The following PABPC4L variants were observed in gnomAD, a reference collection of about 807,000 sequenced individuals.
The protein encoded by PABPC4L is poly(A) binding protein cytoplasmic 4 like, also known as polyadenylate-binding protein 4-like.
For missense variants in PABPC4L, 452 were observed against 451.4 expected (o/e 1.00, Z -0.01); for synonymous variants, 169 against 164.1 (o/e 1.03, Z -0.23).
At chr4:134,115,490 T>C in the PABPC4L span, among the ~76,000 whole-genome samples, 1 of 151,730 alleles carries the variant, frequency 6.6e-6, no homozygotes, top group Non-Finnish European at 1.5e-5. Flanking sequence ...GTGTCAACCT[T>C]CACAGAGGAA....
chr4:133,981,545 CAG>C, the PABPC4L span, among the ~76,000 whole-genome samples: 8 of 151,926 alleles, frequency 5.3e-5, no homozygotes, highest in Admixed American at 1.3e-4. Context: ...TTTATCTTAA[CAG>C]GGGGAAAAAT....
chr4:134,045,731 C>T, the PABPC4L span, among the ~76,000 whole-genome samples: 2 of 152,090 alleles, frequency 1.3e-5, no homozygotes, highest in African/African-American at 4.8e-5. Context: ...ATCCTCTGTC[C>T]TTTTGAACCA....
chr4:134,172,666 C>G, the PABPC4L span, among the ~76,000 whole-genome samples: 1 of 151,860 alleles, frequency 6.6e-6, no homozygotes, highest in South Asian at 2.1e-4. Context: ...GCAAATGGGA[C>G]CTAATTAAGC....
the PABPC4L span, among the ~76,000 whole-genome samples, chr4:134,121,048 T>A: frequency 1.3e-5 from 2 of 151,416 alleles, no homozygotes; most frequent in African/African-American, 4.8e-5. Flanking sequence ...TCTACAATTC[T>A]ACTTTCTATT....
chr4:134,151,110 G>A, the PABPC4L span, among the ~76,000 whole-genome samples: 1 of 152,082 alleles, frequency 6.6e-6, no homozygotes, highest in Non-Finnish European at 1.5e-5. Flanking sequence ...TAGAATTCAA[G>A]ATAGTGCTTA....
downstream of PABPC4L, chr4:134,196,294 A>C (rs1729653837): frequency 6.6e-6 from 1 of 151,678 alleles, no homozygotes; most frequent in Admixed American, 6.6e-5. Context: ...GGAAAATCAG[A>C]AATACTTTAT....
the PABPC4L span, among the ~76,000 whole-genome samples, chr4:134,149,998 T>C: frequency 6.6e-6 from 1 of 152,062 alleles, no homozygotes; most frequent in Non-Finnish European, 1.5e-5. Flanking sequence ...CCAGTTCTGC[T>C]TGGTTCTACA....
At chr4:134,136,732 C>T in the PABPC4L span, among the ~76,000 whole-genome samples, 1 of 151,978 alleles carries the variant, frequency 6.6e-6, no homozygotes, top group Admixed American at 6.6e-5. Context: ...CGACTATGAT[C>T]ATCTCAAGCC....
chr4:134,086,139 C>T, the PABPC4L span, among the ~76,000 whole-genome samples: 2 of 149,900 alleles, frequency 1.3e-5, no homozygotes, highest in African/African-American at 2.4e-5. Context: ...GTTCTTTTTT[C>T]TTTGGCATTT....
chr4:134,098,152 C>G, the PABPC4L span, among the ~76,000 whole-genome samples: 1 of 151,792 alleles, frequency 6.6e-6, no homozygotes, highest in Non-Finnish European at 1.5e-5. Context: ...TTGGTTAGGA[C>G]AGGAGGCTAA....
chr4:134,176,019 A>C, the PABPC4L span, among the ~76,000 whole-genome samples: 53 of 152,146 alleles, frequency 3.5e-4, 2 homozygotes, highest in Non-Finnish European at 6.8e-4. Context: ...TTCTACGACT[A>C]TTTTGGAAAG....
the PABPC4L span, among the ~76,000 whole-genome samples, chr4:134,158,606 G>C: frequency 6.6e-6 from 1 of 151,984 alleles, no homozygotes; most frequent in Non-Finnish European, 1.5e-5. Flanking sequence ...TATTTTATTT[G>C]CTTTATAAGT....
At chr4:134,065,763 A>C in the PABPC4L span, among the ~76,000 whole-genome samples, 72 of 152,110 alleles carry the variant, frequency 4.7e-4, 1 homozygote, top group Non-Finnish European at 9.3e-4. Context: ...TTTACATTTA[A>C]GTCTTTAGTC....
chr4:134,014,814 T>C, the PABPC4L span, among the ~76,000 whole-genome samples: 2 of 152,062 alleles, frequency 1.3e-5, no homozygotes, highest in South Asian at 4.1e-4. Flanking sequence ...TCCATAACTG[T>C]TGTGGGTATT....
the PABPC4L span, among the ~76,000 whole-genome samples, chr4:134,066,934 G>A: frequency 6.6e-6 from 1 of 151,962 alleles, no homozygotes; most frequent in Admixed American, 6.6e-5. Flanking sequence ...TGCTGGATTT[G>A]GATTGCTAGT....
rs1729657998 is a variant in PABPC4L at position 134,196,429 on chromosome 4, A to G, written c.*3478T>C. The G allele has an allele frequency of 1.3e-5, 2 of 151,752 alleles. No individual in the cohort carries two copies. The highest frequency in any genetic ancestry group is 4.8e-5 in the African/African-American group (2 of 41,422). 9.4% of individuals were successfully genotyped at this position (151,752 alleles called of 1,614,324 possible). Reference sequence around the variant, plus strand: ...AATGACAATATTAAATCACTTTAAAATTTTTATTTTTACCAACTATAAATT... The same window carrying G: ...AATGACAATATTAAATCACTTTAAAGTTTTTATTTTTACCAACTATAAATT... On this transcript the variant is annotated 3_prime_UTR_variant, in exon 2 of 2. Coordinates refer to ENST00000421491, the MANE Select transcript of PABPC4L (RefSeq NM_001114734.2).
chr4:134,059,213 G>T, the PABPC4L span, among the ~76,000 whole-genome samples: 2 of 151,718 alleles, frequency 1.3e-5, no homozygotes, highest in African/African-American at 2.4e-5. Flanking sequence ...ATTCCCACCA[G>T]ATTGCCTGCA....
chr4:134,050,737 A>G, the PABPC4L span, among the ~76,000 whole-genome samples: 20 of 151,072 alleles, frequency 1.3e-4, 1 homozygote, highest in Non-Finnish European at 5.9e-5. Flanking sequence ...AGTGAAAGAC[A>G]ACACGTAAGG....
chr4:134,006,653 G>T, the PABPC4L span, among the ~76,000 whole-genome samples: 3 of 151,772 alleles, frequency 2.0e-5, no homozygotes, highest in Non-Finnish European at 4.4e-5. Context: ...AGGGTAGGCA[G>T]GCTTCTCTGG....
Sources: gnomAD v4.1 joint callset for allele counts (sites outside exome capture counted in the v4.1 genomes callset) on GRCh38, gnomAD v4.1.1 for gene constraint, MANE v1.5 for transcripts, NCBI Gene and HGNC (gene_info 2026-07-23, HGNC 2026-07-21) for gene names.